The following FGD4 variants were observed in gnomAD, a reference collection of about 807,000 sequenced individuals.
FGD4 encodes the protein FYVE, RhoGEF and PH domain-containing protein 4.
In FGD4, 42 loss-of-function variants were observed where a neutral mutation model predicts 102.0. That is an observed-to-expected ratio of 0.41 (90% CI 0.32 to 0.53). The LOEUF is 0.53. FGD4 is among the 20% of genes least tolerant of loss of function. The pLI is 0.21. For synonymous variants in FGD4, 380 were observed against 375.7 expected (o/e 1.01, Z -0.13); for missense variants, 902 against 1,078.2 (o/e 0.84, Z 2.29).
intron 1 of FGD4, among the ~76,000 whole-genome samples, chr12:32,490,891 C>G (rs1223044073): frequency 6.6e-6 from 1 of 152,118 alleles, no homozygotes; most frequent in Non-Finnish European, 1.5e-5. Flanking sequence ...GTTCCTCTCA[C>G]AGGATTGAAA....
At chr12:32,442,722 AATTTTTTGT>A (rs1380477635) in intron 1 of FGD4, among the ~76,000 whole-genome samples, 4 of 151,670 alleles carry the variant, frequency 2.6e-5, no homozygotes, top group Non-Finnish European at 5.9e-5. Context: ...ACACCCAGCT[AATTTTTTGT>A]ATTTTTTGTA....
chr12:32,571,027 G>T (rs781440280), intron 2 of FGD4, among the ~76,000 whole-genome samples: 1 of 152,074 alleles, frequency 6.6e-6, no homozygotes, highest in Non-Finnish European at 1.5e-5. Context: ...TTCACAGGTC[G>T]GGTTCTTTCG....
intron 1 of FGD4, among the ~76,000 whole-genome samples, chr12:32,444,874 G>T (rs890428720): frequency 3.3e-5 from 5 of 152,144 alleles, no homozygotes; most frequent in Non-Finnish European, 7.3e-5. Context: ...TAATGTAAAT[G>T]CTTTCTACCA....
chr12:32,457,224 C>A (rs1308527721), intron 1 of FGD4, among the ~76,000 whole-genome samples: 1 of 150,646 alleles, frequency 6.6e-6, no homozygotes, highest in Non-Finnish European at 1.5e-5. Flanking sequence ...TTTAAGTATT[C>A]CATTTTAACA....
Position 32,598,592 on chromosome 12 carries a change from A to AT in FGD4, c.1101+10dup, listed in dbSNP as rs750493016. 1.2e-6 allele frequency: 2 copies of AT among 1,606,400 alleles called. No individual in the cohort carries two copies. Among genetic ancestry groups the AT allele is most frequent in the East Asian group, 2.2e-5 (1 of 44,780 alleles). On this transcript the variant is annotated splice_region_variant and intron_variant, in intron 5 of 16. Coordinates refer to ENST00000534526, the MANE Select transcript of FGD4 (RefSeq NM_001370298.3). ...GACTTGACCTCTTAGATCAGGTAAGATTTTCTTTCTCAGAATTATTTTATA... is the reference window on the plus strand; with the variant it reads ...GACTTGACCTCTTAGATCAGGTAAGATTTTTCTTTCTCAGAATTATTTTATA...
At chr12:32,612,132 G>T (rs1949179350) in intron 10 of FGD4, among the ~76,000 whole-genome samples, 2 of 152,232 alleles carry the variant, frequency 1.3e-5, no homozygotes, top group Non-Finnish European at 2.9e-5. Flanking sequence ...GAAGCCAAGG[G>T]GTTGCTGAGG....
At chr12:32,546,565 T>C (rs1267101567) in intron 1 of FGD4, among the ~76,000 whole-genome samples, 1 of 152,274 alleles carries the variant, frequency 6.6e-6, no homozygotes, top group Non-Finnish European at 1.5e-5. Context: ...TGAGGTGTGC[T>C]GTCTATGTGA....
chr12:32,503,655 A>G (rs564759645), intron 1 of FGD4, among the ~76,000 whole-genome samples: 8 of 152,340 alleles, frequency 5.3e-5, no homozygotes, highest in African/African-American at 1.7e-4. Context: ...TTAGCTACAT[A>G]CTAGCTCTAA....
chr12:32,606,671 C>T (rs1439974780), intron 7 of FGD4, among the ~76,000 whole-genome samples: 1 of 152,162 alleles, frequency 6.6e-6, no homozygotes, highest in Non-Finnish European at 1.5e-5. Flanking sequence ...CAAATGCAAA[C>T]ACCATGTCTT....
chr12:32,507,650 CCA>C (rs764394834), intron 1 of FGD4, among the ~76,000 whole-genome samples: 1 of 152,182 alleles, frequency 6.6e-6, no homozygotes, highest in Non-Finnish European at 1.5e-5. Flanking sequence ...AACGCATTTA[CCA>C]GTGGTTAAGA....
intron 1 of FGD4, among the ~76,000 whole-genome samples, chr12:32,420,843 A>G (rs1168400913): frequency 6.6e-6 from 1 of 152,206 alleles, no homozygotes; most frequent in Non-Finnish European, 1.5e-5. Flanking sequence ...TAAACAGAAG[A>G]ACCCCAAACT....
At chr12:32,639,063 C>A in intron 16 of FGD4, 1 of 796,160 alleles carries the variant, frequency 1.3e-6, no homozygotes, top group Non-Finnish European at 1.8e-6. Context: ...TAGGAATGAG[C>A]ATGAGGAGAA....
At chr12:32,404,751 GTAT>G (rs962610435) in intron 1 of FGD4, among the ~76,000 whole-genome samples, 3 of 151,922 alleles carry the variant, frequency 2.0e-5, no homozygotes, top group African/African-American at 4.8e-5. Flanking sequence ...AGTATCTTTA[GTAT>G]TATTAGAATC....
intron 15 of FGD4, chr12:32,637,908 T>G (rs1950939675): frequency 6.6e-6 from 1 of 152,316 alleles, no homozygotes; most frequent in African/African-American, 2.4e-5. Context: ...AGATGAGATT[T>G]GGGTGGGGAC....
At chr12:32,478,635 A>G (rs1234864402) in intron 1 of FGD4, among the ~76,000 whole-genome samples, 2 of 152,148 alleles carry the variant, frequency 1.3e-5, no homozygotes, top group African/African-American at 2.4e-5. Flanking sequence ...GGGATAGCAC[A>G]AGCTTCCCTT....
chr12:32,426,275 G>T (rs949913335), intron 1 of FGD4, among the ~76,000 whole-genome samples: 2 of 152,076 alleles, frequency 1.3e-5, no homozygotes, highest in Non-Finnish European at 2.9e-5. Context: ...TAGCATAAAG[G>T]GGTGTTGAAT....
chr12:32,598,644 T>A, intron 5 of FGD4, 58 bp downstream of exon 5: 1 of 1,388,522 alleles, frequency 7.2e-7, no homozygotes, highest in Non-Finnish European at 1.0e-6. Flanking sequence ...CATTTTAACC[T>A]AGTAATTAGA....
intron 7 of FGD4, among the ~76,000 whole-genome samples, chr12:32,604,586 G>A (rs1040796433): frequency 6.6e-6 from 1 of 152,090 alleles, no homozygotes; most frequent in African/African-American, 2.4e-5. Flanking sequence ...ACAACTTCTG[G>A]CTAGTAGAGT....
rs1051851507 is a variant in FGD4 at position 32,552,545 on chromosome 12, G to A, written c.167-11592G>A. Reference sequence around the variant, plus strand: ...GATCCGCCTGCCTTGGCCTCTCAAAGTGCTGGGATTACAGGCGTGAACCAC... The same window carrying A: ...GATCCGCCTGCCTTGGCCTCTCAAAATGCTGGGATTACAGGCGTGAACCAC... On this transcript the variant is annotated intron_variant, in intron 1 of 16. Coordinates refer to ENST00000534526, the MANE Select transcript of FGD4 (RefSeq NM_001370298.3). Among the ~76,000 whole-genome samples the A allele has an allele frequency of 2.7e-5, 4 of 147,412 alleles. No individual in the cohort carries two copies. In the South Asian group the frequency reaches 6.5e-4, roughly 24 times the overall value.
Sources: allele counts gnomAD v4.1 joint callset (sites outside exome capture counted in the v4.1 genomes callset), GRCh38; gene constraint gnomAD v4.1.1; transcripts MANE v1.5; gene names NCBI Gene and HGNC (gene_info 2026-07-23, HGNC 2026-07-21).